Variants in FAM20C observed in about 807,000 individuals in gnomAD.
FAM20C encodes the protein FAM20C golgi associated secretory pathway kinase.
In FAM20C, 40 loss-of-function variants were observed where a neutral mutation model predicts 51.5. The observed-to-expected ratio is 0.78, with a 90% CI of 0.60 to 1.01. The LOEUF (loss-of-function observed/expected upper bound fraction) is 1.01, where lower values mean the gene tolerates loss of function less well. Ranked by LOEUF, FAM20C falls within the 50% of genes least tolerant of loss-of-function variation. The pLI, the probability that FAM20C is intolerant of heterozygous loss-of-function variation, is 0.00. For synonymous variants in FAM20C, 406 were observed against 380.6 expected (o/e 1.07, Z -0.78); for missense variants, 861 against 844.7 (o/e 1.02, Z -0.24).
chr7:251,472 C>T (rs1478014634), intron 5 of FAM20C, among the ~76,000 whole-genome samples: 4 of 151,938 alleles, frequency 2.6e-5, no homozygotes, highest in South Asian at 4.2e-4. Context: ...GAGCTATGAT[C>T]GGGCACCACT....
intron 3 of FAM20C, among the ~76,000 whole-genome samples, chr7:244,906 A>G (rs1315086218): frequency 6.6e-6 from 1 of 152,062 alleles, no homozygotes; most frequent in Non-Finnish European, 1.5e-5. Context: ...CCCATAAGAA[A>G]CGTTCCGGGA....
At position 256,306 on chromosome 7, in the gene FAM20C, C is replaced by T. The variant is rs74207372; in HGVS notation, c.1253+277C>T. ...CAGCGTTTGAGCTCTGCTCTCGCCCCGTCCCTCTCCTCACTCCTGCGGGAG... is the reference window on the plus strand; with the variant it reads ...CAGCGTTTGAGCTCTGCTCTCGCCCTGTCCCTCTCCTCACTCCTGCGGGAG... On this transcript the variant is annotated intron_variant, in intron 6 of 9. Transcript: ENST00000313766. The T allele has an allele frequency of 0.32, 188,008 of 579,692 alleles. 33,627 individuals carry two copies. Among genetic ancestry groups the T allele is most frequent in the Non-Finnish European group, 0.38 (124,469 of 328,794 alleles). The allele number at this position is 579,692 out of a possible 1,614,324, so 35.9% of individuals were successfully genotyped here.
chr7:222,152 CAG>C (rs904355055), intron 3 of FAM20C, among the ~76,000 whole-genome samples: 3 of 152,186 alleles, frequency 2.0e-5, no homozygotes, highest in Non-Finnish European at 4.4e-5. Context: ...AGTCAGGAGA[CAG>C]GGCAGGGCTG....
At chr7:206,482 C>T (rs1041836834) in intron 2 of FAM20C, among the ~76,000 whole-genome samples, 3 of 151,834 alleles carry the variant, frequency 2.0e-5, no homozygotes, top group Admixed American at 1.3e-4. Context: ...CCCTGGTCCC[C>T]TCGGCCCTGC....
At position 258,578 on chromosome 7, in the gene FAM20C, T is replaced by C; in HGVS notation, c.1446-68T>C. On this transcript the variant is annotated intron_variant, in intron 8 of 9. Transcript: ENST00000313766. ...CAGGCAGGTGGACCCATGGCCCAGCTCCCAGCCCAGCAGCCTGTTAGGAAC... is the reference window on the plus strand; with the variant it reads ...CAGGCAGGTGGACCCATGGCCCAGCCCCCAGCCCAGCAGCCTGTTAGGAAC... 4.0e-6 allele frequency: 6 copies of C among 1,494,616 alleles called. No homozygotes were observed. The South Asian group carries it at 7.2e-5, about 18-fold the overall frequency. The allele number at this position is 1,494,616 out of a possible 1,614,324, so 92.6% of individuals were successfully genotyped here. A position where few individuals can be genotyped will look rare whatever the true frequency, so the allele number is the denominator to read the frequency against.
At chr7:246,992 G>C (rs1030256847) in intron 4 of FAM20C, among the ~76,000 whole-genome samples, 25 of 152,162 alleles carry the variant, frequency 1.6e-4, no homozygotes, top group African/African-American at 5.8e-4. Flanking sequence ...GCTGCTGTGC[G>C]GTCGGTAATA....
chr7:247,167 C>T (rs1480033758), intron 4 of FAM20C, among the ~76,000 whole-genome samples: 6 of 152,242 alleles, frequency 3.9e-5, no homozygotes, highest in Non-Finnish European at 8.8e-5. Flanking sequence ...GGAGGCCCCA[C>T]GGTCGCCTGT....
intron 1 of FAM20C, among the ~76,000 whole-genome samples, chr7:194,849 T>C (rs758957807): frequency 2.0e-5 from 3 of 150,632 alleles, no homozygotes; most frequent in Non-Finnish European, 4.4e-5. Flanking sequence ...GAATTCGAGC[T>C]AGGACAAGTT....
intron 2 of FAM20C, among the ~76,000 whole-genome samples, 199 bp from the exon 3 acceptor site, chr7:208,699 A>T (rs1786562652): frequency 6.6e-6 from 1 of 152,106 alleles, no homozygotes; most frequent in Non-Finnish European, 1.5e-5. Context: ...CTACCCCAGT[A>T]CTCAACCCTG....
rs563226142 is a variant in FAM20C at position 259,965 on chromosome 7, C to G, written c.1740C>G (p.Ala580=). 2.0e-6 allele frequency: 3 copies of G among 1,516,364 alleles called. No individual in the cohort carries two copies. The highest frequency in any genetic ancestry group is 1.4e-5 in the African/African-American group (1 of 72,674). 93.9% of individuals were successfully genotyped at this position (1,516,364 alleles called of 1,614,324 possible). ...ACGACCTGGACACTGAGCACAGAGC[C>G]GCCTCGGCGAGGTAGTGTCCGCCGG... ...VDDDLDTEHR[A]ASAR Residue 580 remains alanine, a synonymous_variant, in exon 10 of 10, where the codon GCC becomes GCG. Coordinates refer to ENST00000313766, the MANE Select transcript of FAM20C (RefSeq NM_020223.4).
At chr7:255,203 G>A (rs922643310) in intron 5 of FAM20C, among the ~76,000 whole-genome samples, 8 of 152,296 alleles carry the variant, frequency 5.3e-5, no homozygotes, top group South Asian at 2.1e-4. Flanking sequence ...TGCACCCCCC[G>A]CCAGCAGCGC....
intron 2 of FAM20C, among the ~76,000 whole-genome samples, chr7:203,706 A>G (rs987378625): frequency 3.9e-5 from 6 of 152,204 alleles, no homozygotes; most frequent in Non-Finnish European, 7.3e-5. Context: ...TATTTGCTCC[A>G]TGGGGAGGAG....
chr7:242,820 C>A (rs1369152429), intron 3 of FAM20C, among the ~76,000 whole-genome samples: 1 of 152,200 alleles, frequency 6.6e-6, no homozygotes, highest in African/African-American at 2.4e-5. Context: ...ACAGGCCAGG[C>A]TGGGGGTGAG....
chr7:228,378 G>A (rs1160434312), intron 3 of FAM20C: 5 of 441,022 alleles, frequency 1.1e-5, no homozygotes, highest in East Asian at 7.1e-5. Flanking sequence ...CAGTGTGGCT[G>A]TCTCAGACTG....
intron 3 of FAM20C, among the ~76,000 whole-genome samples, chr7:233,811 G>A (rs968209747): frequency 9.5e-4 from 145 of 152,348 alleles, no homozygotes; most frequent in African/African-American, 3.3e-3. Context: ...TGCCAGCCAC[G>A]AAAGGCCTGG....
At chr7:216,661 GTGAGAGAC>G (rs1204537849) in intron 3 of FAM20C, among the ~76,000 whole-genome samples, 29 of 144,862 alleles carry the variant, frequency 2.0e-4, no homozygotes, top group African/African-American at 4.1e-4. Context: ...GAGTGTGTGT[GTGAGAGAC>G]AGAGTGTGTG....
At chr7:218,018 T>G (rs1787085020) in intron 3 of FAM20C, among the ~76,000 whole-genome samples, 1 of 152,120 alleles carries the variant, frequency 6.6e-6, no homozygotes, top group African/African-American at 2.4e-5. Flanking sequence ...CGGGATGCTT[T>G]GTTAGCAGGA....
chr7:203,820 C>T (rs1435950964), intron 2 of FAM20C, among the ~76,000 whole-genome samples: 1 of 152,146 alleles, frequency 6.6e-6, no homozygotes, highest in Non-Finnish European at 1.5e-5. Flanking sequence ...ATTTTACAAA[C>T]CGGGATTACA....
At chr7:202,663 G>A (rs1485995915) in intron 2 of FAM20C, among the ~76,000 whole-genome samples, 1 of 150,098 alleles carries the variant, frequency 6.7e-6, no homozygotes, top group Non-Finnish European at 1.5e-5. Context: ...ATTGCACTGG[G>A]GAATGGGGCC....
Sources: allele counts gnomAD v4.1 joint callset (sites outside exome capture counted in the v4.1 genomes callset), GRCh38; gene constraint gnomAD v4.1.1; transcripts MANE v1.5; gene names NCBI Gene and HGNC (gene_info 2026-07-23, HGNC 2026-07-21).